CAMKMT: variants seen among roughly 807,000 people sequenced by gnomAD.
CAMKMT encodes calmodulin-lysine N-methyltransferase.
A neutral mutation model predicts 48.0 loss-of-function variants in CAMKMT; 53 were observed. That is an observed-to-expected ratio of 1.10 (90% CI 0.89 to 1.39). The LOEUF is 1.39. CAMKMT is among the 40% of genes most tolerant of loss of function. The pLI is 0.00. For missense variants in CAMKMT, 428 were observed against 402.7 expected (o/e 1.06, Z -0.54); for synonymous variants, 165 against 152.3 (o/e 1.08, Z -0.61).
At chr2:44,528,703 GT>G (rs1558680382) in intron 3 of CAMKMT, among the ~76,000 whole-genome samples, 1 of 151,990 alleles carries the variant, frequency 6.6e-6, no homozygotes. Context: ...TCCCTCCCTT[GT>G]TTGCTTCTTC....
chr2:44,659,602 A>G (rs1007906650), intron 3 of CAMKMT, among the ~76,000 whole-genome samples: 6 of 152,020 alleles, frequency 3.9e-5, no homozygotes, highest in African/African-American at 1.4e-4. Context: ...TGGAAATTAA[A>G]TAAGTAAAAT....
rs187102413 is a variant in CAMKMT at position 44,522,128 on chromosome 2, C to T, written c.376+131823C>T. Among the ~76,000 whole-genome samples, 1,483 of 151,926 alleles carry T rather than the reference C, an allele frequency of 9.8e-3. 19 individuals carry two copies. The highest frequency in any genetic ancestry group is 0.028 in the Admixed American group (422 of 15,254). ...AAGCAATTCTCCTGCCTCAGCCTGC[C>T]GAGTAGCTGGGACTACAGGCACATG... On this transcript the variant is annotated intron_variant, in intron 3 of 10. Transcript: ENST00000378494.
At chr2:44,626,849 G>A (rs1221085045) in intron 3 of CAMKMT, among the ~76,000 whole-genome samples, 1 of 152,198 alleles carries the variant, frequency 6.6e-6, no homozygotes, top group African/African-American at 2.4e-5. Context: ...ACCCTTTCTA[G>A]TCTGTATGTC....
At chr2:44,597,939 G>A (rs1261478801) in intron 3 of CAMKMT, among the ~76,000 whole-genome samples, 1 of 152,072 alleles carries the variant, frequency 6.6e-6, no homozygotes, top group East Asian at 1.9e-4. Context: ...GTTTCACCAT[G>A]TTGGTCAGGC....
intron 3 of CAMKMT, among the ~76,000 whole-genome samples, chr2:44,608,781 G>C (rs1671441593): frequency 6.6e-6 from 1 of 151,946 alleles, no homozygotes; most frequent in Non-Finnish European, 1.5e-5. Context: ...TTTCTTACCA[G>C]TCATTTTTGA....
rs1343166901 is a variant in CAMKMT, at chr2:44,646,115, G to C, written c.377-58168G>C. On this transcript the variant is annotated intron_variant, in intron 3 of 10. Coordinates refer to ENST00000378494, the MANE Select transcript of CAMKMT (RefSeq NM_024766.5). Reference sequence around the variant, plus strand: ...TAGAACAGTCAGAGAGCTTCGTGCTGGTGAACATTAATAGAGCTATAATAG... The same window carrying C: ...TAGAACAGTCAGAGAGCTTCGTGCTCGTGAACATTAATAGAGCTATAATAG... Among the ~76,000 whole-genome samples the C allele has an allele frequency of 2.0e-5, 3 of 152,244 alleles. No individual in the cohort carries two copies. In the East Asian group the frequency reaches 5.8e-4, roughly 29 times the overall value.
chr2:44,384,118 G>A (rs1387020941), intron 2 of CAMKMT, among the ~76,000 whole-genome samples: 1 of 152,074 alleles, frequency 6.6e-6, no homozygotes, highest in Non-Finnish European at 1.5e-5. Context: ...CCTGATCACA[G>A]CATCCACGCC....
intron 3 of CAMKMT, among the ~76,000 whole-genome samples, chr2:44,634,813 G>T (rs867469236): frequency 1.7e-5 from 1 of 58,450 alleles, no homozygotes; most frequent in Admixed American, 1.9e-4. Flanking sequence ...AAAAAAAAAA[G>T]CATTCTAGTC....
At chr2:44,624,788 C>G (rs1085413) in intron 3 of CAMKMT, among the ~76,000 whole-genome samples, 129,343 of 152,034 alleles carry the variant, frequency 0.85, 55,480 homozygotes, top group Non-Finnish European at 0.87. Flanking sequence ...ATAAATATAC[C>G]TGTGCATGTG....
chr2:44,762,624 G>T (rs1680666171), intron 9 of CAMKMT, among the ~76,000 whole-genome samples: 1 of 152,160 alleles, frequency 6.6e-6, no homozygotes, highest in African/African-American at 2.4e-5. Flanking sequence ...CCTGCACGTT[G>T]TGCCACATGT....
rs891456149 is a variant in CAMKMT at position 44,591,763 on chromosome 2, C to T, written c.377-112520C>T. On this transcript the variant is annotated intron_variant, in intron 3 of 10. Coordinates refer to ENST00000378494, the MANE Select transcript of CAMKMT (RefSeq NM_024766.5). Reference sequence around the variant, plus strand: ...ATGCTGCTATAAAGACACATGCACACGTATGTTTATTGCGGCACTATTCAC... The same window carrying T: ...ATGCTGCTATAAAGACACATGCACATGTATGTTTATTGCGGCACTATTCAC... Among the ~76,000 whole-genome samples the T allele has an allele frequency of 6.7e-4, 101 of 151,872 alleles. No individual in the cohort carries two copies. The Middle Eastern group carries it at 0.01, about 15-fold the overall frequency.
chr2:44,392,130 A>C (rs1183977673), intron 3 of CAMKMT: 1 of 152,162 alleles, frequency 6.6e-6, no homozygotes, highest in African/African-American at 2.4e-5. Flanking sequence ...AGAAGATAAT[A>C]TTATTAGGAT....
intron 3 of CAMKMT, among the ~76,000 whole-genome samples, chr2:44,499,209 T>A (rs1473497907): frequency 6.6e-6 from 1 of 152,222 alleles, no homozygotes; most frequent in Non-Finnish European, 1.5e-5. Context: ...ATTATTTGAA[T>A]GATGCTAACA....
At chr2:44,542,955 A>C (rs1667210515) in intron 3 of CAMKMT, among the ~76,000 whole-genome samples, 1 of 152,148 alleles carries the variant, frequency 6.6e-6, no homozygotes, top group African/African-American at 2.4e-5. Context: ...TCCATTCCTC[A>C]CTATTATTAA....
chr2:44,443,383 A>G (rs1217338135), intron 3 of CAMKMT, among the ~76,000 whole-genome samples: 1 of 152,170 alleles, frequency 6.6e-6, no homozygotes, highest in Non-Finnish European at 1.5e-5. Flanking sequence ...ATTGAATATT[A>G]CTTGAAAAAA....
chr2:44,473,047 C>A (rs1439342062), intron 3 of CAMKMT, among the ~76,000 whole-genome samples: 1 of 152,142 alleles, frequency 6.6e-6, no homozygotes, highest in Non-Finnish European at 1.5e-5. Flanking sequence ...ATAGTTCTAC[C>A]ATGATGTTTC....
chr2:44,466,958 A>G (rs1363270406), intron 3 of CAMKMT, among the ~76,000 whole-genome samples: 1 of 152,230 alleles, frequency 6.6e-6, no homozygotes, highest in Non-Finnish European at 1.5e-5. Context: ...AATCACTAAG[A>G]AATAAAAATA....
intron 9 of CAMKMT, among the ~76,000 whole-genome samples, chr2:44,761,507 C>G (rs1680617546): frequency 6.6e-6 from 1 of 152,228 alleles, no homozygotes; most frequent in Non-Finnish European, 1.5e-5. Context: ...ACCCCAATTA[C>G]AAAACAGATA....
chr2:44,463,375 A>C (rs698798), intron 3 of CAMKMT, among the ~76,000 whole-genome samples: 17,743 of 152,284 alleles, frequency 0.12, 1,234 homozygotes, highest in Admixed American at 0.19. Context: ...GAAAGAGATA[A>C]GACAAGTAGT....
Sources: gnomAD v4.1 joint callset for allele counts (sites outside exome capture counted in the v4.1 genomes callset) on GRCh38, gnomAD v4.1.1 for gene constraint, MANE v1.5 for transcripts, NCBI Gene and HGNC (gene_info 2026-07-23, HGNC 2026-07-21) for gene names.